EPHA3: variants seen among roughly 807,000 people sequenced by gnomAD.
EPHA3 encodes the protein ephrin type-A receptor 3.
In EPHA3, 42 loss-of-function variants were observed where a neutral mutation model predicts 107.1. That is an observed-to-expected ratio of 0.39 (90% confidence interval 0.31 to 0.51). The LOEUF (loss-of-function observed/expected upper bound fraction) is 0.51. Among genes scored for constraint, EPHA3 ranks in the 20% least tolerant of loss-of-function variants. The pLI, the probability that EPHA3 is intolerant of heterozygous loss-of-function variation, is 0.78. For missense variants in EPHA3, 1,183 were observed against 1,211.2 expected (o/e 0.98, Z 0.35); for synonymous variants, 461 against 424.8 (o/e 1.09, Z -1.05).
chr3:89,326,049 G>A (rs1707158686), intron 3 of EPHA3, among the ~76,000 whole-genome samples: 1 of 150,816 alleles, frequency 6.6e-6, no homozygotes, highest in Admixed American at 6.6e-5. Flanking sequence ...TAGGACACTG[G>A]GAAGTCCTTT....
intron 3 of EPHA3, among the ~76,000 whole-genome samples, chr3:89,279,141 T>A (rs1705881278): frequency 6.6e-6 from 1 of 152,150 alleles, no homozygotes; most frequent in African/African-American, 2.4e-5. Flanking sequence ...GTCAAGTGAA[T>A]TAAAAATTGT....
intron 5 of EPHA3, among the ~76,000 whole-genome samples, chr3:89,365,086 GT>G (rs1708162293): frequency 6.6e-6 from 1 of 150,794 alleles, no homozygotes; most frequent in Non-Finnish European, 1.5e-5. Flanking sequence ...ACTAAATATA[GT>G]TTGTGCAAAG....
intron 10 of EPHA3, among the ~76,000 whole-genome samples, chr3:89,413,895 A>G (rs1370857601): frequency 6.6e-6 from 1 of 151,736 alleles, no homozygotes; most frequent in Non-Finnish European, 1.5e-5. Context: ...TTTATAAGAA[A>G]AATTTCATAT....
chr3:89,388,104 A>C (rs1176726258), intron 5 of EPHA3, among the ~76,000 whole-genome samples: 2 of 152,218 alleles, frequency 1.3e-5, no homozygotes, highest in African/African-American at 4.8e-5. Context: ...ATTGAATAAC[A>C]TAAGTTTATA....
intron 3 of EPHA3, among the ~76,000 whole-genome samples, chr3:89,285,772 T>A (rs1706067483): frequency 6.6e-6 from 1 of 152,122 alleles, no homozygotes; most frequent in African/African-American, 2.4e-5. Context: ...AGGGAAGTAG[T>A]CATTATTTTA....
At chr3:89,351,135 T>A (rs1053648179) in intron 5 of EPHA3, among the ~76,000 whole-genome samples, 11 of 151,384 alleles carry the variant, frequency 7.3e-5, no homozygotes, top group African/African-American at 2.7e-4. Context: ...TGAACTGTGG[T>A]GGGCTCCACC....
Position 89,431,201 on chromosome 3 carries a change from A to G in EPHA3, c.2188A>G (p.Ile730Val). The change falls in exon 13 of 17, where the codon ATA becomes GTA. Residue 730 changes from isoleucine to valine, a missense_variant. By Grantham distance (29) the Ile-to-Val change is conservative (BLOSUM62 3). Transcript: ENST00000336596. ...TCAGCTAGTGGGGATGCTTCGAGGG[A>G]TAGCATCTGGCATGAAGTACCTGTC... The part of the protein sequence containing the change: ...VIQLVGMLRG[I>V]ASGMKYLSDM... 3 of 1,613,802 alleles carry G rather than the reference A, an allele frequency of 1.9e-6. No individual in the cohort carries two copies. The highest frequency in any genetic ancestry group is 2.5e-6 in the Non-Finnish European group (3 of 1,179,908).
At chr3:89,341,332 C>T (rs1228105178) in intron 4 of EPHA3, among the ~76,000 whole-genome samples, 1 of 152,136 alleles carries the variant, frequency 6.6e-6, no homozygotes, top group African/African-American at 2.4e-5. Flanking sequence ...TGTTTAGATC[C>T]TGCATTACAT....
intron 3 of EPHA3, among the ~76,000 whole-genome samples, chr3:89,256,067 T>C (rs1705277710): frequency 6.6e-6 from 1 of 151,498 alleles, no homozygotes; most frequent in South Asian, 2.1e-4. Context: ...CTATCCAACA[T>C]GGTGAAACCA....
At chr3:89,344,883 G>C (rs977987543) in intron 5 of EPHA3, among the ~76,000 whole-genome samples, 6 of 141,352 alleles carry the variant, frequency 4.2e-5, no homozygotes, top group African/African-American at 1.2e-4. Context: ...TTAGTTCTCA[G>C]CTCTCAATAC....
intron 2 of EPHA3, among the ~76,000 whole-genome samples, chr3:89,175,938 G>A (rs1015696376): frequency 5.3e-5 from 8 of 152,070 alleles, no homozygotes; most frequent in Admixed American, 2.6e-4. Flanking sequence ...AGTTGTTTTC[G>A]TTTTGGCCAC....
intron 3 of EPHA3, among the ~76,000 whole-genome samples, chr3:89,255,067 T>TA (rs1010268525): frequency 3.9e-5 from 6 of 152,156 alleles, no homozygotes; most frequent in African/African-American, 7.2e-5. Flanking sequence ...CTTCCTTTCA[T>TA]AAAAAAAGTT....
chr3:89,405,625 C>T (rs577668837), intron 7 of EPHA3, among the ~76,000 whole-genome samples: 7 of 152,282 alleles, frequency 4.6e-5, no homozygotes, highest in Non-Finnish European at 8.8e-5. Context: ...CCTAAAACCA[C>T]ATATTTTAGA....
At chr3:89,229,687 T>C (rs1017508984) in intron 3 of EPHA3, among the ~76,000 whole-genome samples, 4 of 152,032 alleles carry the variant, frequency 2.6e-5, no homozygotes, top group African/African-American at 7.2e-5. Flanking sequence ...TACTGCAATA[T>C]ATGATAGATT....
intron 3 of EPHA3, among the ~76,000 whole-genome samples, chr3:89,309,705 G>C (rs939379400): frequency 1.3e-5 from 2 of 151,842 alleles, no homozygotes; most frequent in Non-Finnish European, 2.9e-5. Flanking sequence ...AAATATTTTT[G>C]GTTTCAGGCC....
chr3:89,156,772 C>T (rs546915189), intron 2 of EPHA3, among the ~76,000 whole-genome samples: 2 of 151,788 alleles, frequency 1.3e-5, no homozygotes, highest in South Asian at 2.1e-4. Flanking sequence ...TTTAAAAAAA[C>T]GAGACCATGA....
intron 3 of EPHA3, among the ~76,000 whole-genome samples, chr3:89,241,058 C>T (rs1238211275): frequency 6.6e-6 from 1 of 151,014 alleles, no homozygotes; most frequent in Non-Finnish European, 1.5e-5. Context: ...ACATTATATA[C>T]CTTGTAGCTT....
rs189588241 is a variant in EPHA3, at chr3:89,359,622, T to C, written c.1306+17532T>C. On this transcript the variant is annotated intron_variant, in intron 5 of 16. Transcript: ENST00000336596. ...TACATTTTCAGATAATATATATTCC[T>C]CTACTATCAGTAGCCATTTCTTCTT... Among the ~76,000 whole-genome samples, 615 of 149,766 alleles carry C rather than the reference T, an allele frequency of 4.1e-3. 9 individuals carry two copies. Among genetic ancestry groups the C allele is most frequent in the African/African-American group, 0.014 (569 of 41,222 alleles).
chr3:89,386,637 G>A (rs1185652915), intron 5 of EPHA3, among the ~76,000 whole-genome samples: 1 of 152,216 alleles, frequency 6.6e-6, no homozygotes, highest in Non-Finnish European at 1.5e-5. Flanking sequence ...GCACTGCCTA[G>A]TGAAGCTGTG....
Sources: gnomAD v4.1 joint callset for allele counts (sites outside exome capture counted in the v4.1 genomes callset) on GRCh38, gnomAD v4.1.1 for gene constraint, MANE v1.5 for transcripts, NCBI Gene and HGNC (gene_info 2026-07-23, HGNC 2026-07-21) for gene names.